Variants in BRWD1 observed in about 807,000 individuals in gnomAD.
BRWD1 encodes the protein bromodomain and WD repeat-containing protein 1.
In BRWD1, 82 loss-of-function variants were observed where a neutral mutation model predicts 251.2. The observed-to-expected ratio is 0.33, with a 90% CI of 0.27 to 0.39. The LOEUF (loss-of-function observed/expected upper bound fraction) is 0.39, where lower values mean the gene tolerates loss of function less well. BRWD1 is among the 10% of genes least tolerant of loss of function. BRWD1 has a pLI of 1.00. For synonymous variants in BRWD1, 918 were observed against 902.8 expected, an observed-to-expected ratio of 1.02 and a Z score of -0.30; for missense variants, 2,233 against 2,711.6, an observed-to-expected ratio of 0.82 and a Z score of 3.92.
rs371782219 is a variant in BRWD1, at chr21:39,196,472, A to G, written c.6597T>C (p.Ser2199=). The G allele has an allele frequency of 5.0e-6, 8 of 1,613,130 alleles. No individual in the cohort carries two copies. In the Admixed American group the frequency reaches 1.0e-4, roughly 20 times the overall value. The change falls in exon 41 of 41, where the codon TCT becomes TCC. Residue 2199 remains serine, a synonymous_variant. Transcript: ENST00000342449. The part of the protein sequence containing the change: ...RKGKTFTANI[S]KTVRRQRQSK... ...TTTGTCTTTGACGTCTCACAGTTTTAGATATGTTAGCTGTAAAAGTTTTAC... is the reference window on the plus strand; with the variant it reads ...TTTGTCTTTGACGTCTCACAGTTTTGGATATGTTAGCTGTAAAAGTTTTAC...
chr21:39,290,816 T>C (rs116361634), intron 8 of BRWD1, among the ~76,000 whole-genome samples: 2,312 of 152,152 alleles, frequency 0.015, 56 homozygotes, highest in African/African-American at 0.053. Flanking sequence ...AAACCAAAAA[T>C]CTTGCTTAAA....
chr21:39,240,159 CTA>C (rs1171032094), intron 21 of BRWD1, among the ~76,000 whole-genome samples: 1 of 152,152 alleles, frequency 6.6e-6, no homozygotes, highest in African/African-American at 2.4e-5. Context: ...AGGCTACTAG[CTA>C]TATGATTCCA....
chr21:39,211,045 TCAACA>T (rs2032634471), intron 34 of BRWD1, 116 bp from the exon 35 acceptor site: 4 of 1,044,926 alleles, frequency 3.8e-6, no homozygotes, highest in African/African-American at 3.4e-5. Context: ...TATGTTGCTC[TCAACA>T]CATTTTTCCA....
Position 39,188,091 on chromosome 21 carries a change from G to A in BRWD1, c.*8168C>T. ...ACTACTCCGTGCTGACCAAACTTAGGAGGGCTCAGATATGTTTGTTACCAG... is the reference window on the plus strand; with the variant it reads ...ACTACTCCGTGCTGACCAAACTTAGAAGGGCTCAGATATGTTTGTTACCAG... On this transcript the variant is annotated 3_prime_UTR_variant, in exon 41 of 41. Transcript: ENST00000342449. 1.0e-6 allele frequency: 1 copy of A among 985,386 alleles called. No individual in the cohort carries two copies. Among genetic ancestry groups the A allele is most frequent in the Non-Finnish European group, 1.2e-6 (1 of 829,914 alleles). The allele number at this position is 985,386 out of a possible 1,614,324, so 61.0% of individuals were successfully genotyped here.
rs938966873 is a variant in BRWD1, at chr21:39,191,928, G to C, written c.*4331C>G. The C allele has an allele frequency of 4.1e-6, 4 of 983,530 alleles. No individual in the cohort carries two copies. Among genetic ancestry groups the C allele is most frequent in the Non-Finnish European group, 4.8e-6 (4 of 828,524 alleles). 60.9% of individuals were successfully genotyped at this position (983,530 alleles called of 1,614,324 possible). A position where few individuals can be genotyped will look rare whatever the true frequency, so the allele number is the denominator to read the frequency against. ...CATTGATAATTAAATTCAAACTATT[G>C]GTCTTGCCATACTTGAGAAACAGAT... On this transcript the variant is annotated 3_prime_UTR_variant, in exon 41 of 41. Transcript: ENST00000342449.
At position 39,207,485 on chromosome 21, in the gene BRWD1, A is replaced by C. The variant is rs9712594; in HGVS notation, c.4198-1211T>G. Among the ~76,000 whole-genome samples the C allele has an allele frequency of 9.8e-3, 1,179 of 120,114 alleles. 4 individuals are homozygous for C. The highest frequency in any genetic ancestry group is 0.013 in the African/African-American group (389 of 30,554). The allele number at this position is 120,114 out of a possible 152,430, so 78.8% of individuals were successfully genotyped here. A position where few individuals can be genotyped will look rare whatever the true frequency, so the allele number is the denominator to read the frequency against. On this transcript the variant is annotated intron_variant, in intron 36 of 40. Transcript: ENST00000342449. ...ACACACACACACACACACACACACA[A>C]ACAAAACTCCAAAAACAACAAGTGT... is the stretch of plus-strand genomic sequence containing the variant.
chr21:39,244,921 A>AATAAAT (rs1330847340), intron 21 of BRWD1, among the ~76,000 whole-genome samples: 1 of 112,518 alleles, frequency 8.9e-6, no homozygotes, highest in Non-Finnish European at 1.9e-5. Flanking sequence ...CTTTGGAAGA[A>AATAAAT]ATATATATAT....
At position 39,196,203 on chromosome 21, in the gene BRWD1, C is replaced by G. The variant is rs989924691; in HGVS notation, c.*56G>C. 3 of 1,490,624 alleles carry G rather than the reference C, an allele frequency of 2.0e-6. No homozygotes were observed. The highest frequency in any genetic ancestry group is 2.7e-6 in the Non-Finnish European group (3 of 1,123,996). The allele number at this position is 1,490,624 out of a possible 1,614,324, so 92.3% of individuals were successfully genotyped here. A position where few individuals can be genotyped will look rare whatever the true frequency, so the allele number is the denominator to read the frequency against. On this transcript the variant is annotated 3_prime_UTR_variant, in exon 41 of 41. Coordinates refer to ENST00000342449, the MANE Select transcript of BRWD1 (RefSeq NM_033656.4). ...ACAAAAAAATAATTTTAACAGCCAG[C>G]TTTCACCATAAATGCCAGTCCATTT...
Position 39,189,511 on chromosome 21 carries a change from A to C in BRWD1, c.*6748T>G. On this transcript the variant is annotated 3_prime_UTR_variant, in exon 41 of 41. Transcript: ENST00000342449. ...AAAAAAAACTAAAATCAGGTTTTTA[A>C]AAAATACTTAAGGAAATTTGAACTT... The C allele has an allele frequency of 2.0e-6, 2 of 981,718 alleles. No homozygotes were observed. Among genetic ancestry groups the C allele is most frequent in the Non-Finnish European group, 2.4e-6 (2 of 826,578 alleles). 60.8% of individuals were successfully genotyped at this position (981,718 alleles called of 1,614,324 possible).
intron 8 of BRWD1, among the ~76,000 whole-genome samples, chr21:39,290,333 C>CA (rs1164055065): frequency 4.6e-5 from 7 of 151,568 alleles, no homozygotes; most frequent in African/African-American, 1.7e-4. Flanking sequence ...ACTAAAAATA[C>CA]AAAAAATTAG....
At chr21:39,229,595 A>G (rs2033527034) in intron 25 of BRWD1, among the ~76,000 whole-genome samples, 159 bp from the exon 26 acceptor site, 1 of 152,230 alleles carries the variant, frequency 6.6e-6, no homozygotes, top group Non-Finnish European at 1.5e-5. Flanking sequence ...TGCTAAAGTT[A>G]ATCTCCACAT....
Position 39,196,172 on chromosome 21 carries a change from T to C in BRWD1, c.*87A>G. 1.8e-5 allele frequency: 27 copies of C among 1,485,008 alleles called. No homozygotes were observed. The highest frequency in any genetic ancestry group is 2.3e-5 in the Non-Finnish European group (26 of 1,123,852). 92.0% of individuals were successfully genotyped at this position (1,485,008 alleles called of 1,614,324 possible). ...AAAAATATAAATATATTCCCTGAAT[T>C]GTAAGACAAAAAAATAATTTTAACA... On this transcript the variant is annotated 3_prime_UTR_variant, in exon 41 of 41. Coordinates refer to ENST00000342449, the MANE Select transcript of BRWD1 (RefSeq NM_033656.4).
At chr21:39,249,723 A>G (rs1479097027) in intron 20 of BRWD1, among the ~76,000 whole-genome samples, 1 of 152,222 alleles carries the variant, frequency 6.6e-6, no homozygotes, top group Non-Finnish European at 1.5e-5. Flanking sequence ...ATTTGTCAGT[A>G]CTGATTTTGG....
chr21:39,312,565 G>A, intron 4 of BRWD1: 3 of 326,440 alleles, frequency 9.2e-6, no homozygotes, highest in South Asian at 3.7e-5. Context: ...CCGCAGAGGC[G>A]GCCGCACCTG....
intron 23 of BRWD1, among the ~76,000 whole-genome samples, chr21:39,233,471 T>C (rs1358713970): frequency 3.3e-5 from 5 of 152,076 alleles, no homozygotes; most frequent in Non-Finnish European, 2.9e-5. Context: ...AATAGGGATG[T>C]TATTAAATGA....
chr21:39,267,364 G>C (rs2034955485), intron 15 of BRWD1, among the ~76,000 whole-genome samples: 1 of 152,118 alleles, frequency 6.6e-6, no homozygotes, highest in Admixed American at 6.5e-5. Flanking sequence ...GGGAGGCCGA[G>C]GCGGGCGGAT....
chr21:39,215,535 T>C (rs774132793), intron 31 of BRWD1, among the ~76,000 whole-genome samples, 173 bp from the exon 32 acceptor site: 4 of 152,222 alleles, frequency 2.6e-5, no homozygotes, highest in Non-Finnish European at 5.9e-5. Flanking sequence ...AGGCAATACA[T>C]TGGACACCGA....
At position 39,195,572 on chromosome 21, in the gene BRWD1, A is replaced by G. The variant is rs556750520; in HGVS notation, c.*687T>C. The G allele has an allele frequency of 1.0e-6, 1 of 984,710 alleles. No homozygotes were observed. The highest frequency in any genetic ancestry group is 1.2e-6 in the Non-Finnish European group (1 of 829,040). 61.0% of individuals were successfully genotyped at this position (984,710 alleles called of 1,614,324 possible). On this transcript the variant is annotated 3_prime_UTR_variant, in exon 41 of 41. Transcript: ENST00000342449. ...GAGGTTTAAAACATGCACTCAAATC[A>G]TTAAAAATAATTTACCAGCACTTTA...
chr21:39,312,898 C>T lies in BRWD1; in HGVS notation c.141G>A (p.Leu47=). Residue 47 remains leucine (L), a splice_region_variant and synonymous_variant, in exon 4 of 41, where the codon TTG becomes TTA. Transcript: ENST00000342449. ...CCTCCCAGTCCAATCTCTTCGGCAA[C>T]AACTGGAAAGACACGAAACGCACAC... ...VLVQELEQYQ[L]LPKRLDWEGN... 2.0e-6 allele frequency: 3 copies of T among 1,510,740 alleles called. No homozygotes were observed. Among genetic ancestry groups the T allele is most frequent in the South Asian group, 1.1e-5 (1 of 87,172 alleles). 93.6% of individuals were successfully genotyped at this position (1,510,740 alleles called of 1,614,324 possible).
Sources: gnomAD v4.1 joint callset for allele counts (sites outside exome capture counted in the v4.1 genomes callset) on GRCh38, gnomAD v4.1.1 for gene constraint, MANE v1.5 for transcripts, NCBI Gene and HGNC (gene_info 2026-07-23, HGNC 2026-07-21) for gene names.